RBBP7: variants seen among roughly 807,000 people sequenced by gnomAD.
RBBP7 encodes the protein histone-binding protein RBBP7.
RBBP7 carries 5 observed loss-of-function variants against 35.2 expected under a neutral mutation model. The observed-to-expected ratio is 0.14, with a 90% confidence interval of 0.07 to 0.30. The LOEUF (loss-of-function observed/expected upper bound fraction) is 0.30, where lower values mean the gene tolerates loss of function less well. Ranked by LOEUF, RBBP7 falls within the 10% of genes least tolerant of loss-of-function variation. The pLI is 1.00. For missense variants in RBBP7, 155 were observed against 327.5 expected, an observed-to-expected ratio of 0.47 and a Z score of 4.07; for synonymous variants, 140 against 118.7, an observed-to-expected ratio of 1.18 and a Z score of -1.17.
At position 16,849,387 on chromosome X, in the gene RBBP7, A is replaced by G. The variant is rs762539604; in HGVS notation, c.1041-86T>C. 4 of 829,453 alleles carry G rather than the reference A, an allele frequency of 4.8e-6. No homozygotes were observed. In the South Asian group the frequency reaches 1.0e-4, roughly 21 times the overall value. 68.4% of individuals were successfully genotyped at this position (829,453 alleles called of 1,213,427 possible). A position where few individuals can be genotyped will look rare whatever the true frequency, so the allele number is the denominator to read the frequency against. ...TAAACCAGTATCAGCCCAGAAAGTAATCTTAAAACATAAACACACTCACAA... is the reference window on the plus strand; with the variant it reads ...TAAACCAGTATCAGCCCAGAAAGTAGTCTTAAAACATAAACACACTCACAA... On this transcript the variant is annotated intron_variant, in intron 9 of 11. Coordinates refer to ENST00000380087, the MANE Select transcript of RBBP7 (RefSeq NM_002893.4).
At chrX:16,866,567 AAAGCAAGAAAGC>A (rs1328919367) in intron 2 of RBBP7, among the ~76,000 whole-genome samples, 5 of 95,719 alleles carry the variant, frequency 5.2e-5, no homozygotes, top group Non-Finnish European at 8.5e-5. Context: ...AGAAAGAAAG[AAAGCAAGAAAGC>A]AAGAAAGCAA....
chrX:16,860,915 T>G (rs1467017896), intron 3 of RBBP7, among the ~76,000 whole-genome samples: 2 of 111,835 alleles, frequency 1.8e-5, no homozygotes, highest in Non-Finnish European at 3.8e-5. Context: ...GGCTCATGCC[T>G]GTAATTCCAG....
chrX:16,845,755 A>G (rs1930059447), intron 11 of RBBP7, 73 bp downstream of exon 11: 3 of 1,129,253 alleles, frequency 2.7e-6, no homozygotes, highest in Non-Finnish European at 2.3e-6. Flanking sequence ...ATTCGAAATA[A>G]CTTTATTACA....
At chrX:16,856,695 T>C (rs1930362419) in intron 5 of RBBP7, among the ~76,000 whole-genome samples, 1 of 111,744 alleles carries the variant, frequency 8.9e-6, no homozygotes, top group African/African-American at 3.3e-5. Context: ...AACTGGAACA[T>C]TTGTACATTG....
rs1208582758 is a variant in RBBP7 at position 16,870,031 on chromosome X, C to G, written c.16+7G>C. 12 of 1,014,391 alleles carry G rather than the reference C, an allele frequency of 1.2e-5. No individual in the cohort carries two copies. In the Admixed American group the frequency reaches 2.8e-4, roughly 23 times the overall value. The allele number at this position is 1,014,391 out of a possible 1,213,427, so 83.6% of individuals were successfully genotyped here. A position where few individuals can be genotyped will look rare whatever the true frequency, so the allele number is the denominator to read the frequency against. On this transcript the variant is annotated splice_region_variant and intron_variant, in intron 1 of 11. Transcript: ENST00000380087. Reference sequence around the variant, plus strand: ...CCCGGCGCGCGCCGCCCCGCAGGGCCTCTTACTCTCTTTACTCGCCATCTT... The same window carrying G: ...CCCGGCGCGCGCCGCCCCGCAGGGCGTCTTACTCTCTTTACTCGCCATCTT...
In RBBP7 at chrX:16,852,100, T is replaced by C. The variant is rs1930223917; in HGVS notation, c.986A>G (p.Glu329Gly). 1 of 1,204,839 alleles carries C rather than the reference T, an allele frequency of 8.3e-7. No homozygotes were observed. ...AGTACCACTTGAAGCCAGAATAGTT[T>C]CATTATGTGGAGACCAGTGGACCTA... ...IFQVHWSPHN[E>G]TILASSGTDR... is the part of the protein sequence containing the mutation. Residue 329 changes from glutamate (E) to glycine (G), a missense_variant, in exon 9 of 12, where the codon GAA becomes GGA. Transcript: ENST00000380087.
At chrX:16,845,770 G>A (rs1276279292) in intron 11 of RBBP7, 58 bp downstream of exon 11, 1 of 1,158,817 alleles carries the variant, frequency 8.6e-7, no homozygotes, top group South Asian at 2.1e-5. Flanking sequence ...ATTACATTAT[G>A]TAAGTAGTAA....
intron 10 of RBBP7, 93 bp from the exon 11 acceptor site, chrX:16,846,031 A>C: frequency 9.0e-7 from 1 of 1,113,931 alleles, no homozygotes; most frequent in Non-Finnish European, 1.2e-6. Flanking sequence ...TCAGTATTTC[A>C]ACTGGGGGTG....
Position 16,862,876 on chromosome X carries a change from T to C in RBBP7, c.307+79A>G, listed in dbSNP as rs1463548031. On this transcript the variant is annotated intron_variant, in intron 3 of 11. Coordinates refer to ENST00000380087, the MANE Select transcript of RBBP7 (RefSeq NM_002893.4). The stretch of plus-strand genomic sequence containing the variant: ...GTTAAATTACTGGGCCAAAAGCTAA[T>C]AGTATAGTTTTAATAGCATATGCTT... 1.5e-5 allele frequency: 16 copies of C among 1,038,447 alleles called. No individual in the cohort carries two copies. In the South Asian group the frequency reaches 1.7e-4, roughly 11 times the overall value. The allele number at this position is 1,038,447 out of a possible 1,213,427, so 85.6% of individuals were successfully genotyped here. A position where few individuals can be genotyped will look rare whatever the true frequency, so the allele number is the denominator to read the frequency against.
chrX:16,852,901 G>A (rs181534517), intron 6 of RBBP7, 26 bp from the exon 7 acceptor site: 155 of 1,207,463 alleles, frequency 1.3e-4, no homozygotes, highest in African/African-American at 1.1e-3. Context: ...AAAGGCACAC[G>A]GCACCCAGGG....
intron 2 of RBBP7, among the ~76,000 whole-genome samples, chrX:16,865,755 C>CA (rs1876325717): frequency 8.9e-6 from 1 of 112,171 alleles, no homozygotes; most frequent in South Asian, 3.6e-4. Flanking sequence ...TGGCCTATTG[C>CA]AAGATTATTC....
chrX:16,855,735 G>C (rs754980414), intron 5 of RBBP7, among the ~76,000 whole-genome samples: 2 of 110,927 alleles, frequency 1.8e-5, no homozygotes, highest in African/African-American at 6.6e-5. Context: ...CTTTCAGAGA[G>C]CCTATAATCC....
At chrX:16,854,991 T>TG (rs2147518965) in intron 5 of RBBP7, among the ~76,000 whole-genome samples, 1 of 109,571 alleles carries the variant, frequency 9.1e-6, no homozygotes, top group East Asian at 2.8e-4. Context: ...ATGGGTTTTT[T>TG]TTTTTTTTTT....
At position 16,844,922 on chromosome X, in the gene RBBP7, A is replaced by G. The variant is rs1347510264; in HGVS notation, c.*113T>C. The G allele has an allele frequency of 1.0e-5, 6 of 576,862 alleles. No individual in the cohort carries two copies. The highest frequency in any genetic ancestry group is 1.7e-5 in the Non-Finnish European group (6 of 348,673). 47.5% of individuals were successfully genotyped at this position (576,862 alleles called of 1,213,427 possible). ...AAGTGCTAGAATCAGAGGATAAAGAAGCCATAAGCCACCCCACTTACATTT... is the reference window on the plus strand; with the variant it reads ...AAGTGCTAGAATCAGAGGATAAAGAGGCCATAAGCCACCCCACTTACATTT... On this transcript the variant is annotated 3_prime_UTR_variant, in exon 12 of 12. Coordinates refer to ENST00000380087, the MANE Select transcript of RBBP7 (RefSeq NM_002893.4).
At chrX:16,867,136 T>C (rs1477853706) in intron 2 of RBBP7, among the ~76,000 whole-genome samples, 1 of 111,971 alleles carries the variant, frequency 8.9e-6, no homozygotes, top group Non-Finnish European at 1.9e-5. Flanking sequence ...CAGTCACCAC[T>C]TACCGTGTAC....
At chrX:16,859,617 A>T (rs992143529) in intron 3 of RBBP7, among the ~76,000 whole-genome samples, 1 of 112,584 alleles carries the variant, frequency 8.9e-6, no homozygotes, top group Admixed American at 9.4e-5. Flanking sequence ...GCTCATAGAT[A>T]AAAAAACCTG....
At chrX:16,865,529 A>G (rs375555994) in intron 2 of RBBP7, among the ~76,000 whole-genome samples, 4 of 112,195 alleles carry the variant, frequency 3.6e-5, no homozygotes, top group African/African-American at 9.7e-5. Context: ...TCATCATATG[A>G]GGACTTTTCT....
intron 3 of RBBP7, among the ~76,000 whole-genome samples, chrX:16,862,110 T>C (rs1930490930): frequency 9.0e-6 from 1 of 111,326 alleles, no homozygotes; most frequent in Non-Finnish European, 1.9e-5. Context: ...ATTTCACACA[T>C]GTCCCTGCAG....
chrX:16,869,430 C>T, intron 1 of RBBP7: 1 of 1,134,679 alleles, frequency 8.8e-7, no homozygotes, highest in Non-Finnish European at 1.2e-6. Flanking sequence ...CCCCTGCGTA[C>T]ACCATGTTGG....
Sources: allele counts gnomAD v4.1 joint callset (sites outside exome capture counted in the v4.1 genomes callset), GRCh38; gene constraint gnomAD v4.1.1; transcripts MANE v1.5; gene names NCBI Gene and HGNC (gene_info 2026-07-23, HGNC 2026-07-21).